The following GPR146 variants were observed in gnomAD, a reference collection of about 807,000 sequenced individuals.
GPR146 encodes G protein-coupled receptor 146.
For synonymous variants in GPR146, 203 were observed against 104.3 expected (o/e 1.95, Z -5.77); for missense variants, 381 against 213.9 (o/e 1.78, Z -4.87).
intron 1 of GPR146, among the ~76,000 whole-genome samples, chr7:1,053,976 C>G (rs887254834): frequency 6.6e-5 from 10 of 152,326 alleles, no homozygotes; most frequent in African/African-American, 2.2e-4. Context: ...AGAGAGGAGG[C>G]GGGTCAAGGA....
chr7:1,058,636 G>C lies in GPR146; in HGVS notation c.*119G>C. Reference sequence around the variant, plus strand: ...CTGCTGGAAGAGAAGCAGGAGGGGTGTTTTTCTTGAAGTTTCCTTTTTCCC... The same window carrying C: ...CTGCTGGAAGAGAAGCAGGAGGGGTCTTTTTCTTGAAGTTTCCTTTTTCCC... On this transcript the variant is annotated 3_prime_UTR_variant, in exon 2 of 2. Coordinates refer to ENST00000444847, the MANE Select transcript of GPR146 (RefSeq NM_001303473.2). The C allele has an allele frequency of 1.6e-6, 1 of 615,282 alleles. No homozygotes were observed. Among genetic ancestry groups the C allele is most frequent in the Non-Finnish European group, 3.0e-6 (1 of 337,474 alleles). 38.1% of individuals were successfully genotyped at this position (615,282 alleles called of 1,614,324 possible). A position where few individuals can be genotyped will look rare whatever the true frequency, so the allele number is the denominator to read the frequency against.
rs748407453 is a variant in GPR146 at position 1,057,760 on chromosome 7, T to G, written c.245T>G (p.Val82Gly). Residue 82 changes from valine to glycine, a missense_variant, in exon 2 of 2, where the codon GTG becomes GGG. By Grantham distance (109) the Val-to-Gly change is moderately radical. Coordinates refer to ENST00000444847, the MANE Select transcript of GPR146 (RefSeq NM_001303473.2). ...CTGGTGCTCAGCGCCCTGGCCCCTGTGCACCTGCTCGGCCCCCCGAGCTCC... is the reference window on the plus strand; with the variant it reads ...CTGGTGCTCAGCGCCCTGGCCCCTGGGCACCTGCTCGGCCCCCCGAGCTCC... ...AGLVLSALAP[V>G]HLLGPPSSRW... The G allele has an allele frequency of 2.3e-5, 18 of 775,832 alleles. No individual in the cohort carries two copies. The highest frequency in any genetic ancestry group is 3.6e-5 in the Non-Finnish European group (15 of 417,788). The allele number at this position is 775,832 out of a possible 1,614,324, so 48.1% of individuals were successfully genotyped here.
intron 1 of GPR146, among the ~76,000 whole-genome samples, chr7:1,045,011 G>A (rs903512568): frequency 5.3e-5 from 8 of 152,230 alleles, no homozygotes; most frequent in African/African-American, 1.7e-4. Context: ...ACTGCTTTCG[G>A]CCCCTTCTGT....
chr7:1,053,717 T>C (rs905382635), intron 1 of GPR146, among the ~76,000 whole-genome samples: 1 of 151,970 alleles, frequency 6.6e-6, no homozygotes, highest in Non-Finnish European at 1.5e-5. Context: ...ATCCCAGCTA[T>C]TCGGGAGGCT....
At chr7:1,045,549 C>T (rs1465257560) in intron 1 of GPR146, 1 of 152,250 alleles carries the variant, frequency 6.6e-6, no homozygotes, top group Non-Finnish European at 1.5e-5. Flanking sequence ...GACCATGTTC[C>T]CAGGCTCCTC....
At position 1,052,834 on chromosome 7, in the gene GPR146, G is replaced by A. The variant is rs1783265812; in HGVS notation, c.-24-4658G>A. On this transcript the variant is annotated intron_variant, in intron 1 of 1. Coordinates refer to ENST00000444847, the MANE Select transcript of GPR146 (RefSeq NM_001303473.2). The surrounding 1 kb of genome is among the most constrained non-coding windows in gnomAD (Gnocchi z 4.2). ...CCTGCAGCATGGGGTTGGGGGGCAG[G>A]CGGCCCTTCTCTGTGGTCTCTCCTG... 6.6e-6 allele frequency among the ~76,000 whole-genome samples: 1 copy of A among 152,190 alleles called. No individual in the cohort carries two copies. Among genetic ancestry groups the A allele is most frequent in the African/African-American group, 2.4e-5 (1 of 41,450 alleles).
rs1010218862 is a variant in GPR146, at chr7:1,051,663, T to A, written c.-24-5829T>A. Among the ~76,000 whole-genome samples, 4 of 152,276 alleles carry A rather than the reference T, an allele frequency of 2.6e-5. No individual in the cohort carries two copies. The South Asian group carries it at 8.3e-4, about 32-fold the overall frequency. ...GCAGTAGGTGCAAGGCTGGCCCTTTTTATGAGAGTTATTTAAAAAACAAAA... is the reference window on the plus strand; with the variant it reads ...GCAGTAGGTGCAAGGCTGGCCCTTTATATGAGAGTTATTTAAAAAACAAAA... On this transcript the variant is annotated intron_variant, in intron 1 of 1. Transcript: ENST00000444847.
chr7:1,056,055 G>A (rs533918701), intron 1 of GPR146: 3 of 153,650 alleles, frequency 2.0e-5, no homozygotes, highest in African/African-American at 7.2e-5. Context: ...GAAGCCCGCA[G>A]AGGCCCGGAC....
intron 1 of GPR146, among the ~76,000 whole-genome samples, chr7:1,045,074 T>A (rs1583537310): frequency 6.6e-6 from 1 of 152,396 alleles, no homozygotes; most frequent in East Asian, 1.9e-4. Context: ...AGGTGTCGGA[T>A]CTGCTGTCAG....
chr7:1,049,713 G>A (rs997169108), intron 1 of GPR146, among the ~76,000 whole-genome samples: 5 of 152,240 alleles, frequency 3.3e-5, no homozygotes, highest in African/African-American at 9.6e-5. Flanking sequence ...ATGTCAGGTA[G>A]AAGGAATTAG....
At chr7:1,050,460 G>A (rs1350174397) in intron 1 of GPR146, among the ~76,000 whole-genome samples, 1 of 152,256 alleles carries the variant, frequency 6.6e-6, no homozygotes, top group Non-Finnish European at 1.5e-5. Flanking sequence ...GGTCCCTGTG[G>A]CTTGGGAGTC....
In GPR146 at chr7:1,057,739, T is replaced by C. The variant is rs1583607363; in HGVS notation, c.224T>C (p.Val75Ala). Residue 75 changes from valine to alanine, a missense_variant, in exon 2 of 2, where the codon GTG becomes GCG. Physicochemically the swap from Val to Ala is moderately conservative, Grantham distance 64. Transcript: ENST00000444847. ...GTCAACATGGCAGTGGCAGGCCTGGTGCTCAGCGCCCTGGCCCCTGTGCAC... is the reference window on the plus strand; with the variant it reads ...GTCAACATGGCAGTGGCAGGCCTGGCGCTCAGCGCCCTGGCCCCTGTGCAC... The part of the protein sequence containing the change: ...YFVNMAVAGL[V>A]LSALAPVHLL... 1.3e-6 allele frequency: 1 copy of C among 775,046 alleles called. No individual in the cohort carries two copies. Among genetic ancestry groups the C allele is most frequent in the Non-Finnish European group, 2.4e-6 (1 of 417,428 alleles). The allele number at this position is 775,046 out of a possible 1,614,324, so 48.0% of individuals were successfully genotyped here.
intron 1 of GPR146, among the ~76,000 whole-genome samples, chr7:1,051,016 C>T (rs1783062846): frequency 6.6e-6 from 1 of 152,244 alleles, no homozygotes; most frequent in African/African-American, 2.4e-5. Flanking sequence ...CAGCAGAGGC[C>T]TGGGTGGGAG....
In GPR146 at chr7:1,058,011, T is replaced by G. The variant is rs1377944046; in HGVS notation, c.496T>G (p.Tyr166Asp). Residue 166 changes from tyrosine (Y) to aspartate (D), a missense_variant, in exon 2 of 2, where the codon TAC becomes GAC. Physicochemically the swap from Tyr to Asp is radical, Grantham distance 160. Coordinates refer to ENST00000444847, the MANE Select transcript of GPR146 (RefSeq NM_001303473.2). ...LLTSFSSLLF[Y>D]ICSHVSTRAL... is the part of the protein sequence containing the mutation. Reference sequence around the variant, plus strand: ...GACCAGCTTCTCCTCGCTGCTCTTCTACATCTGCAGCCATGTGTCCACCCG... The same window carrying G: ...GACCAGCTTCTCCTCGCTGCTCTTCGACATCTGCAGCCATGTGTCCACCCG... 1.3e-6 allele frequency: 1 copy of G among 770,066 alleles called. No homozygotes were observed. Among genetic ancestry groups the G allele is most frequent in the Non-Finnish European group, 2.4e-6 (1 of 417,962 alleles). The allele number at this position is 770,066 out of a possible 1,614,324, so 47.7% of individuals were successfully genotyped here. A position where few individuals can be genotyped will look rare whatever the true frequency, so the allele number is the denominator to read the frequency against.
chr7:1,057,998 C>T lies in GPR146; in HGVS notation c.483C>T (p.Ser161=), dbSNP rs1784028200. 1.3e-6 allele frequency: 1 copy of T among 770,124 alleles called. No individual in the cohort carries two copies. The highest frequency in any genetic ancestry group is 1.7e-5 in the African/African-American group (1 of 59,160). 47.7% of individuals were successfully genotyped at this position (770,124 alleles called of 1,614,324 possible). The change falls in exon 2 of 2, where the codon TCC becomes TCT. Residue 161 remains serine (S), a synonymous_variant. Transcript: ENST00000444847. The part of the protein sequence containing the change: ...VWGGALLTSF[S]SLLFYICSHV... ...GTGGCGCGCTGCTGACCAGCTTCTC[C>T]TCGCTGCTCTTCTACATCTGCAGCC...
intron 1 of GPR146, among the ~76,000 whole-genome samples, chr7:1,048,185 C>A (rs926914158): frequency 4.6e-5 from 7 of 152,170 alleles, no homozygotes; most frequent in Admixed American, 1.3e-4. Flanking sequence ...AAGGGATCAA[C>A]ATCCGCAAAA....
rs117030458 is a variant in GPR146 at position 1,055,655 on chromosome 7, G to A, written c.-24-1837G>A. On this transcript the variant is annotated intron_variant, in intron 1 of 1. Transcript: ENST00000444847. ...TCTAAGTAGGGAATGAAGGGGTGCC[G>A]AGACAGAGCACACTGAGGGGTCCCG... Among the ~76,000 whole-genome samples the A allele has an allele frequency of 6.5e-4, 99 of 152,272 alleles. 1 individual carries two copies. In the East Asian group the frequency reaches 0.014, roughly 22 times the overall value.
chr7:1,053,485 C>T (rs1022259116), intron 1 of GPR146, among the ~76,000 whole-genome samples: 5 of 152,216 alleles, frequency 3.3e-5, no homozygotes, highest in African/African-American at 1.2e-4. Context: ...CTCGCCAGGC[C>T]CTGGCACGCT....
chr7:1,057,513 G>T lies in GPR146; in HGVS notation c.-3G>T. On this transcript the variant is annotated 5_prime_UTR_variant, in exon 2 of 2. Transcript: ENST00000444847. ...GCAGGGTCGCGGAGCCTCGCCGGCC[G>T]CCATGTGGAGCTGCAGCTGGTTCAA... The T allele has an allele frequency of 1.3e-6, 1 of 765,270 alleles. No homozygotes were observed. 47.4% of individuals were successfully genotyped at this position (765,270 alleles called of 1,614,324 possible).
Sources: allele counts gnomAD v4.1 joint callset (sites outside exome capture counted in the v4.1 genomes callset), GRCh38; gene constraint gnomAD v4.1.1; non-coding constraint Gnocchi (gnomAD v3.1); transcripts MANE v1.5; gene names NCBI Gene and HGNC (gene_info 2026-07-23, HGNC 2026-07-21).